The following PTPRD variants were observed in gnomAD, a reference collection of about 807,000 sequenced individuals.
The protein encoded by PTPRD is protein tyrosine phosphatase receptor type D.
PTPRD carries 34 observed loss-of-function variants against 214.5 expected under a neutral mutation model. The observed-to-expected ratio is 0.16, with a 90% CI of 0.12 to 0.21. The LOEUF (loss-of-function observed/expected upper bound fraction) is 0.21, where lower values mean the gene tolerates loss of function less well. Ranked by LOEUF, PTPRD falls within the 10% of genes least tolerant of loss-of-function variation. The probability of loss-of-function intolerance (pLI) is 1.00; values close to 1 mark genes in which losing one functional copy is unlikely to be tolerated. For synonymous variants in PTPRD, 1,128 were observed against 845.7 expected, an observed-to-expected ratio of 1.33 and a Z score of -5.79; for missense variants, 2,545 against 2,398.7, an observed-to-expected ratio of 1.06 and a Z score of -1.27.
chr9:9,324,026 T>C (rs1253218214), intron 9 of PTPRD, among the ~76,000 whole-genome samples: 4 of 152,176 alleles, frequency 2.6e-5, no homozygotes, highest in Non-Finnish European at 5.9e-5. Flanking sequence ...AGCTCATCCT[T>C]TTTTATGGCT....
intron 10 of PTPRD, among the ~76,000 whole-genome samples, chr9:9,062,653 A>C (rs988280337): frequency 6.6e-6 from 1 of 152,206 alleles, no homozygotes; most frequent in African/African-American, 2.4e-5. Context: ...TTAAGCAGGA[A>C]GAGTTGAATG....
intron 9 of PTPRD, among the ~76,000 whole-genome samples, chr9:9,331,489 A>G (rs1367245181): frequency 2.6e-5 from 4 of 152,166 alleles, no homozygotes; most frequent in Non-Finnish European, 5.9e-5. Flanking sequence ...CAAGTTTTGT[A>G]GGAATAAAGA....
chr9:10,197,828 A>G (rs2099403913), intron 3 of PTPRD, among the ~76,000 whole-genome samples: 1 of 152,080 alleles, frequency 6.6e-6, no homozygotes, highest in Non-Finnish European at 1.5e-5. Flanking sequence ...GAAAGAGAAC[A>G]GAGAAGTAAG....
intron 14 of PTPRD, among the ~76,000 whole-genome samples, chr9:8,605,148 T>C (rs561154136): frequency 6.6e-5 from 10 of 152,314 alleles, no homozygotes; most frequent in African/African-American, 2.4e-4. Context: ...ATCAACCTCT[T>C]CAGCAAGAAA....
intron 5 of PTPRD, among the ~76,000 whole-genome samples, chr9:9,866,553 A>C (rs954516840): frequency 1.3e-5 from 2 of 152,164 alleles, no homozygotes; most frequent in African/African-American, 4.8e-5. Flanking sequence ...AGTTATATAC[A>C]TAACTATCCG....
At chr9:8,363,428 G>C (rs1488591197) in intron 39 of PTPRD, among the ~76,000 whole-genome samples, 1 of 151,994 alleles carries the variant, frequency 6.6e-6, no homozygotes, top group African/African-American at 2.4e-5. Context: ...GGGTAGTTAG[G>C]GATTCAAGAG....
chr9:10,496,368 A>C (rs1327789084), intron 2 of PTPRD, among the ~76,000 whole-genome samples: 2 of 152,032 alleles, frequency 1.3e-5, no homozygotes, highest in Non-Finnish European at 2.9e-5. Flanking sequence ...CCTACTTTAT[A>C]TAATAAAACA....
At chr9:9,121,490 C>T (rs2099817587) in intron 10 of PTPRD, among the ~76,000 whole-genome samples, 1 of 152,094 alleles carries the variant, frequency 6.6e-6, no homozygotes, top group African/African-American at 2.4e-5. Context: ...ACTACTCAGC[C>T]ATACAAAGGA....
At chr9:9,997,285 A>G (rs1204067694) in intron 4 of PTPRD, among the ~76,000 whole-genome samples, 1 of 143,324 alleles carries the variant, frequency 7.0e-6, no homozygotes, top group Admixed American at 7.0e-5. Flanking sequence ...AAGATAAGCA[A>G]TTTTTTTTTT....
chr9:9,372,773 G>A (rs1015516106), intron 9 of PTPRD, among the ~76,000 whole-genome samples: 1 of 152,062 alleles, frequency 6.6e-6, no homozygotes, highest in Admixed American at 6.6e-5. Context: ...TCCATGTTTA[G>A]TGCTTCCTTC....
At chr9:8,858,796 AACACACAC>A (rs71317379) in intron 11 of PTPRD, among the ~76,000 whole-genome samples, 1,490 of 141,866 alleles carry the variant, frequency 0.011, 27 homozygotes, top group African/African-American at 0.036. Flanking sequence ...TGAAGGAGGC[AACACACAC>A]ACACACACAC....
chr9:8,783,288 T>C (rs1341821349), intron 11 of PTPRD, among the ~76,000 whole-genome samples: 1 of 152,150 alleles, frequency 6.6e-6, no homozygotes, highest in Admixed American at 6.5e-5. Flanking sequence ...GAGCACAATG[T>C]TGGAGTTATT....
chr9:10,435,269 A>G (rs921145490), intron 2 of PTPRD, among the ~76,000 whole-genome samples: 4 of 151,940 alleles, frequency 2.6e-5, no homozygotes, highest in Non-Finnish European at 5.9e-5. Context: ...CAGGAAATCC[A>G]TATCTTCCAG....
rs550763134 is a variant in PTPRD, at chr9:10,106,687, G to GA, written c.-544-72898dup. ...GACAAGAAATGTTGAGATGTATTTA[G>GA]AAAAAAAAATTGACCATTTGAACTA... On this transcript the variant is annotated intron_variant, in intron 3 of 45. Transcript: ENST00000381196. Among the ~76,000 whole-genome samples, 170 of 150,438 alleles carry GA rather than the reference G, an allele frequency of 1.1e-3. 2 individuals carry two copies. The South Asian group carries it at 0.024, about 21-fold the overall frequency.
At chr9:9,374,810 A>T (rs1433480547) in intron 9 of PTPRD, among the ~76,000 whole-genome samples, 5 of 152,138 alleles carry the variant, frequency 3.3e-5, no homozygotes. Flanking sequence ...AAACATCACC[A>T]TTTTCATCTT....
In PTPRD at chr9:10,268,160, T is replaced by G. The variant is rs369517570; in HGVS notation, c.-545+72803A>C. Among the ~76,000 whole-genome samples the G allele has an allele frequency of 1.9e-4, 28 of 149,524 alleles. No individual in the cohort carries two copies. In the East Asian group the frequency reaches 5.3e-3, roughly 28 times the overall value. ...AAATAATTGGCTGAGTGTGGTAGTG[T>G]GCTTGTTTAGTCTTAGCTACTCAGG... On this transcript the variant is annotated intron_variant, in intron 3 of 45. Transcript: ENST00000381196.
At chr9:8,937,475 T>A (rs1398648480) in intron 11 of PTPRD, among the ~76,000 whole-genome samples, 1 of 152,164 alleles carries the variant, frequency 6.6e-6, no homozygotes, top group Non-Finnish European at 1.5e-5. Context: ...CTTGGATGAC[T>A]GTCATAAATC....
intron 2 of PTPRD, among the ~76,000 whole-genome samples, chr9:10,410,291 T>A (rs938795980): frequency 1.6e-5 from 2 of 124,236 alleles, no homozygotes; most frequent in Admixed American, 1.7e-4. Context: ...ACACAATATA[T>A]AATATATATA....
At chr9:10,194,287 C>A (rs2099386987) in intron 3 of PTPRD, among the ~76,000 whole-genome samples, 1 of 145,268 alleles carries the variant, frequency 6.9e-6, no homozygotes, top group African/African-American at 2.6e-5. Flanking sequence ...AGCAAATTAA[C>A]TACCATTTGC....
Sources: gnomAD v4.1 joint callset for allele counts (sites outside exome capture counted in the v4.1 genomes callset) on GRCh38, gnomAD v4.1.1 for gene constraint, MANE v1.5 for transcripts, NCBI Gene and HGNC (gene_info 2026-07-23, HGNC 2026-07-21) for gene names.